ARRB1: variants seen among roughly 807,000 people sequenced by gnomAD.
ARRB1 encodes the protein beta-arrestin-1.
Under a neutral mutation model 56.8 loss-of-function variants are expected in ARRB1, and 21 were observed. The observed-to-expected ratio is 0.37, with a 90% CI of 0.26 to 0.53. The LOEUF is 0.53. Among genes scored for constraint, ARRB1 ranks in the 20% least tolerant of loss-of-function variants. ARRB1 has a pLI of 0.88. For synonymous variants in ARRB1, 210 were observed against 218.6 expected (o/e 0.96, Z 0.35); for missense variants, 424 against 553.7 (o/e 0.77, Z 2.35).
intron 12 of ARRB1, among the ~76,000 whole-genome samples, chr11:75,272,340 C>T (rs1017415246): frequency 6.6e-6 from 1 of 152,216 alleles, no homozygotes; most frequent in African/African-American, 2.4e-5. Flanking sequence ...CAGGGCAGGG[C>T]AGTCTGGTCC....
At chr11:75,277,488 A>G in intron 8 of ARRB1, 40 bp from the exon 9 acceptor site, 1 of 1,574,986 alleles carries the variant, frequency 6.3e-7, no homozygotes, top group Non-Finnish European at 8.7e-7. Flanking sequence ...CTGGGAGGAC[A>G]GCAAGGTTCT....
intron 1 of ARRB1, among the ~76,000 whole-genome samples, chr11:75,324,618 G>C (rs570405521): frequency 6.6e-6 from 1 of 152,056 alleles, no homozygotes; most frequent in Admixed American, 6.6e-5. Flanking sequence ...TGTGGGTGTG[G>C]GTGTGGAATA....
intron 1 of ARRB1, among the ~76,000 whole-genome samples, chr11:75,348,986 G>A (rs762653150): frequency 6.6e-5 from 10 of 152,156 alleles, no homozygotes; most frequent in Non-Finnish European, 1.3e-4. Context: ...CTTTCACATG[G>A]GGGTGCAATT....
At chr11:75,272,846 G>T in intron 12 of ARRB1, 49 bp downstream of exon 12, 1 of 1,597,888 alleles carries the variant, frequency 6.3e-7, no homozygotes. Context: ...GGGCACCTGG[G>T]ACGCTCCCCT....
At chr11:75,296,185 CAAAAA>C (rs11428462) in intron 1 of ARRB1, among the ~76,000 whole-genome samples, 1 of 84,884 alleles carries the variant, frequency 1.2e-5, no homozygotes, top group South Asian at 4.5e-4. Flanking sequence ...GACTTTGTCT[CAAAAA>C]AAAAAAAAAA....
At chr11:75,326,231 C>T (rs1329251592) in intron 1 of ARRB1, among the ~76,000 whole-genome samples, 1 of 152,130 alleles carries the variant, frequency 6.6e-6, no homozygotes, top group Non-Finnish European at 1.5e-5. Context: ...TGCGAGAGCT[C>T]CTGAGAGAGG....
intron 11 of ARRB1, 25 bp from the exon 12 acceptor site, chr11:75,273,003 G>A (rs1379562619): frequency 6.2e-7 from 1 of 1,610,510 alleles, no homozygotes; most frequent in Admixed American, 1.7e-5. Context: ...AGGGGAGCCA[G>A]TTCAGGGGCC....
chr11:75,304,437 GA>G (rs148649394), intron 1 of ARRB1, among the ~76,000 whole-genome samples: 8,490 of 151,884 alleles, frequency 0.056, 324 homozygotes, highest in Non-Finnish European at 0.076. Flanking sequence ...AGTTGTGGGG[GA>G]AAAAAACTGC....
Position 75,266,143 on chromosome 11 carries a change from T to A in ARRB1, c.*20A>T, listed in dbSNP as rs1945903261. ...GCACGAGAGTGGAGCCGGAGCCACG[T>A]GGAGGCAGGGCCGGCCCGTCTATCT... On this transcript the variant is annotated 3_prime_UTR_variant, in exon 16 of 16. Transcript: ENST00000420843. 1 of 1,597,844 alleles carries A rather than the reference T, an allele frequency of 6.3e-7. No homozygotes were observed.
chr11:75,289,103 T>A (rs1368878707), intron 2 of ARRB1, among the ~76,000 whole-genome samples: 1 of 152,088 alleles, frequency 6.6e-6, no homozygotes, highest in Non-Finnish European at 1.5e-5. Context: ...TGGTGACTGA[T>A]GTTATCTACT....
chr11:75,342,846 G>A (rs764242548), intron 1 of ARRB1, among the ~76,000 whole-genome samples: 20 of 152,232 alleles, frequency 1.3e-4, no homozygotes, highest in Non-Finnish European at 2.5e-4. Flanking sequence ...CCCCTTCCCA[G>A]AGAGCTCTGG....
chr11:75,263,857 G>A lies in ARRB1; in HGVS notation c.*2306C>T, dbSNP rs1332183837. Among the ~76,000 whole-genome samples, 1 of 152,212 alleles carries A rather than the reference G, an allele frequency of 6.6e-6. No homozygotes were observed. Among genetic ancestry groups the A allele is most frequent in the Non-Finnish European group, 1.5e-5 (1 of 68,020 alleles). ...TGATGTTGAGGTGCAGGAGGCTCGG[G>A]AAACCAGCCTGACAAACGTTTTCCA... On this transcript the variant is annotated 3_prime_UTR_variant, in exon 16 of 16. Coordinates refer to ENST00000420843, the MANE Select transcript of ARRB1 (RefSeq NM_004041.5).
intron 1 of ARRB1, among the ~76,000 whole-genome samples, chr11:75,318,143 CTAACTTTT>C (rs1450613074): frequency 7.7e-6 from 1 of 129,740 alleles, no homozygotes; most frequent in Non-Finnish European, 1.6e-5. Flanking sequence ...ATAAGCATTT[CTAACTTTT>C]TTTTTTTTTT....
intron 1 of ARRB1, among the ~76,000 whole-genome samples, chr11:75,316,390 C>T (rs150015559): frequency 3.6e-4 from 55 of 151,978 alleles, no homozygotes; most frequent in Middle Eastern, 3.4e-3. Context: ...AAGAGGTGAT[C>T]GGCTTCGTTT....
intron 1 of ARRB1, among the ~76,000 whole-genome samples, chr11:75,349,604 G>A (rs1947817728): frequency 6.6e-6 from 1 of 152,232 alleles, no homozygotes; most frequent in Non-Finnish European, 1.5e-5. Context: ...GGCAGCCTAG[G>A]AAGGACAATG....
intron 1 of ARRB1, among the ~76,000 whole-genome samples, chr11:75,313,565 C>G (rs1044183210): frequency 2.6e-5 from 4 of 152,198 alleles, no homozygotes; most frequent in Admixed American, 6.5e-5. Flanking sequence ...CCTTCCAGAT[C>G]CCGTGACTAA....
intron 4 of ARRB1, among the ~76,000 whole-genome samples, 193 bp from the exon 5 acceptor site, chr11:75,283,676 GGGA>G (rs1343136909): frequency 6.6e-6 from 1 of 152,188 alleles, no homozygotes; most frequent in African/African-American, 2.4e-5. Context: ...CCTGGCCCCT[GGGA>G]GGAGGAGGGG....
chr11:75,283,773 G>A (rs1428606554), intron 4 of ARRB1, among the ~76,000 whole-genome samples: 1 of 152,168 alleles, frequency 6.6e-6, no homozygotes, highest in Non-Finnish European at 1.5e-5. Context: ...GGTCTGACAG[G>A]CTTGGCGGGG....
intron 1 of ARRB1, among the ~76,000 whole-genome samples, chr11:75,312,847 C>T (rs1947191259): frequency 6.6e-6 from 1 of 152,210 alleles, no homozygotes; most frequent in African/African-American, 2.4e-5. Context: ...CCAGCAGAGG[C>T]AAGGGAATGG....
Sources: allele counts gnomAD v4.1 joint callset (sites outside exome capture counted in the v4.1 genomes callset), GRCh38; gene constraint gnomAD v4.1.1; transcripts MANE v1.5; gene names NCBI Gene and HGNC (gene_info 2026-07-23, HGNC 2026-07-21).